The following CASP6 variants were observed in gnomAD, a reference collection of about 807,000 sequenced individuals.
CASP6 encodes the protein caspase 6, also known as caspase-6.
CASP6 carries 20 observed loss-of-function variants against 31.8 expected under a neutral mutation model. The observed-to-expected ratio is 0.63, with a 90% CI of 0.44 to 0.91. CASP6 has a LOEUF of 0.91. CASP6 is among the 40% of genes least tolerant of loss of function. CASP6 has a pLI of 0.00. For synonymous variants in CASP6, 130 were observed against 127.8 expected, an observed-to-expected ratio of 1.02 and a Z score of -0.12; for missense variants, 328 against 361.1, an observed-to-expected ratio of 0.91 and a Z score of 0.74.
the CASP6 span, among the ~76,000 whole-genome samples, chr4:109,678,207 G>A: frequency 6.6e-6 from 1 of 152,124 alleles, no homozygotes. Context: ...AGTCTCCTAT[G>A]TCTACTTCTT....
chr4:109,666,418 A>T, the CASP6 span, among the ~76,000 whole-genome samples: 1 of 152,334 alleles, frequency 6.6e-6, no homozygotes, highest in Admixed American at 6.5e-5. Flanking sequence ...TCCTACCAGC[A>T]GTGAATGAGA....
chr4:109,705,541 G>A (rs953891554), upstream of CASP6, among the ~76,000 whole-genome samples: 1 of 152,086 alleles, frequency 6.6e-6, no homozygotes, highest in African/African-American at 2.4e-5. Flanking sequence ...TGATAGTTCT[G>A]AGCAAAGTAA....
downstream of CASP6, chr4:109,684,586 A>G (rs1455304423): frequency 1.2e-6 from 2 of 1,604,718 alleles, no homozygotes; most frequent in Non-Finnish European, 8.5e-7. Context: ...AGCCAGTTAC[A>G]TACTTCATCA....
chr4:109,678,291 C>T, the CASP6 span, among the ~76,000 whole-genome samples: 14 of 152,254 alleles, frequency 9.2e-5, no homozygotes, highest in East Asian at 2.7e-3. Context: ...TCGACAAAAC[C>T]GCCATCATCA....
intron 1 of CASP6, among the ~76,000 whole-genome samples, chr4:109,699,020 CATAAG>C (rs1426715823): frequency 1.3e-5 from 2 of 152,210 alleles, no homozygotes; most frequent in African/African-American, 4.8e-5. Flanking sequence ...TGCACTGTCT[CATAAG>C]GTAGCCACTG....
Position 109,694,589 on chromosome 4 carries a change from G to A in CASP6, c.419C>T (p.Thr140Ile). The A allele has an allele frequency of 6.2e-7, 1 of 1,612,030 alleles. No homozygotes were observed. The highest frequency in any genetic ancestry group is 8.5e-7 in the Non-Finnish European group (1 of 1,178,982). Reference sequence around the variant, plus strand: ...ACACTTGTCTCCTTTGAACAAGCCAGTTAATGTCTGAATTTCGATTTTAGC... The same window carrying A: ...ACACTTGTCTCCTTTGAACAAGCCAATTAATGTCTGAATTTCGATTTTAGC... ...YDAKIEIQTL[T>I]GLFKGDKCHS... The change falls in exon 5 of 7, where the codon ACT becomes ATT. Residue 140 changes from threonine to isoleucine, a missense_variant. Transcript: ENST00000265164.
intron 5 of CASP6, among the ~76,000 whole-genome samples, chr4:109,693,073 C>G (rs1439743542): frequency 6.6e-6 from 1 of 152,146 alleles, no homozygotes; most frequent in Non-Finnish European, 1.5e-5. Context: ...CACATGAAAT[C>G]TGGTTACTTA....
chr4:109,697,904 A>T, intron 2 of CASP6, 136 bp from the exon 3 acceptor site: 1 of 940,540 alleles, frequency 1.1e-6, no homozygotes, highest in African/African-American at 1.7e-5. Context: ...GTGCTCCAGG[A>T]AAGGCCATGC....
Position 109,697,788 on chromosome 4 carries a change from A to T in CASP6, c.84-20T>A, listed in dbSNP as rs1377599808. On this transcript the variant is annotated intron_variant, in intron 2 of 6. Coordinates refer to ENST00000265164, the MANE Select transcript of CASP6 (RefSeq NM_001226.4). Reference sequence around the variant, plus strand: ...ATTTCTCTGTTAATGAAAAGTTGAAAAACAATCACTTCAAGTCATATTAAA... The same window carrying T: ...ATTTCTCTGTTAATGAAAAGTTGAATAACAATCACTTCAAGTCATATTAAA... 2 of 1,611,514 alleles carry T rather than the reference A, an allele frequency of 1.2e-6. No homozygotes were observed. The highest frequency in any genetic ancestry group is 1.7e-6 in the Non-Finnish European group (2 of 1,179,126).
upstream of CASP6, among the ~76,000 whole-genome samples, chr4:109,704,442 G>T (rs1730536501): frequency 6.6e-6 from 1 of 152,166 alleles, no homozygotes; most frequent in Admixed American, 6.5e-5. Flanking sequence ...AGTTGGTCTG[G>T]ATAGAAGATA....
chr4:109,665,454 A>G, the CASP6 span, among the ~76,000 whole-genome samples: 1 of 152,188 alleles, frequency 6.6e-6, no homozygotes, highest in Non-Finnish European at 1.5e-5. Flanking sequence ...TGTCTATGAC[A>G]TTAAGAATTA....
downstream of CASP6, chr4:109,684,358 G>A (rs556384473): frequency 1.9e-5 from 22 of 1,139,930 alleles, 1 homozygote; most frequent in African/African-American, 6.3e-5. Context: ...CACCGCGCCC[G>A]GCAAGAGTTC....
At chr4:109,706,426 G>A (rs1171161388), upstream of CASP6, among the ~76,000 whole-genome samples, 3 of 151,842 alleles carry the variant, frequency 2.0e-5, no homozygotes, top group Non-Finnish European at 4.4e-5. Context: ...GCTTTTTACG[G>A]ATGAGCAAAG....
At chr4:109,690,296 G>A (rs1448267767) in intron 6 of CASP6, among the ~76,000 whole-genome samples, 1 of 150,076 alleles carries the variant, frequency 6.7e-6, no homozygotes, top group Non-Finnish European at 1.5e-5. Context: ...AGCACTTTGG[G>A]AGGCCAAGGC....
the CASP6 span, among the ~76,000 whole-genome samples, chr4:109,675,598 TTAGAGCAG>T: frequency 2.6e-5 from 4 of 152,228 alleles, no homozygotes; most frequent in Non-Finnish European, 4.4e-5. Context: ...AACCTCATCT[TTAGAGCAG>T]TGCTGTACTT....
the CASP6 span, chr4:109,682,946 G>A: frequency 2.1e-6 from 1 of 475,830 alleles, no homozygotes; most frequent in African/African-American, 2.0e-5. Context: ...CTAATACATG[G>A]TAGAGCCTGG....
At chr4:109,684,953 G>C (rs1361608934), downstream of CASP6, 1 of 387,784 alleles carries the variant, frequency 2.6e-6, no homozygotes, top group Non-Finnish European at 4.6e-6. Context: ...AGTAACATCA[G>C]CTTTGCCTCA....
In CASP6 at chr4:109,689,413, G is replaced by T. The variant is rs775720592; in HGVS notation, c.799C>A (p.Pro267Thr). 6.2e-7 allele frequency: 1 copy of T among 1,614,160 alleles called. No individual in the cohort carries two copies. The highest frequency in any genetic ancestry group is 1.1e-5 in the South Asian group (1 of 91,076). Reference sequence around the variant, plus strand: ...ACCTGCTTCTTTCCAATTGCACTTGGGTCTTTGCAAAAGTCCACTCGGCGC... The same window carrying T: ...ACCTGCTTCTTTCCAATTGCACTTGTGTCTTTGCAAAAGTCCACTCGGCGC... ...SQRRVDFCKD[P>T]SAIGKKQVPC... Residue 267 changes from proline (P) to threonine (T), a missense_variant, in exon 7 of 7, where the codon CCA becomes ACA. Physicochemically the swap from Pro to Thr is conservative, Grantham distance 38. Coordinates refer to ENST00000265164, the MANE Select transcript of CASP6 (RefSeq NM_001226.4).
At chr4:109,691,785 A>G (rs5030587) in intron 5 of CASP6, among the ~76,000 whole-genome samples, 1,596 of 152,262 alleles carry the variant, frequency 0.01, 22 homozygotes, top group African/African-American at 0.037. Flanking sequence ...ACCAAATCCA[A>G]CATGACTAGT....
Sources: allele counts gnomAD v4.1 joint callset (sites outside exome capture counted in the v4.1 genomes callset), GRCh38; gene constraint gnomAD v4.1.1; transcripts MANE v1.5; gene names NCBI Gene and HGNC (gene_info 2026-07-23, HGNC 2026-07-21).